HS6ST1: variants seen among roughly 807,000 people sequenced by gnomAD.
HS6ST1 encodes heparan-sulfate 6-O-sulfotransferase 1.
In HS6ST1, 3 loss-of-function variants were observed where a neutral mutation model predicts 25.2. The ratio of observed to expected loss-of-function variants is 0.12; its 90% CI spans 0.05 to 0.31. HS6ST1 has a LOEUF of 0.31. Among genes scored for constraint, HS6ST1 ranks in the 10% least tolerant of loss-of-function variants. The probability of loss-of-function intolerance (pLI) is 1.00; values close to 1 mark genes in which losing one functional copy is unlikely to be tolerated. For synonymous variants in HS6ST1, 204 were observed against 275.1 expected (o/e 0.74, Z 2.56); for missense variants, 310 against 609.6 (o/e 0.51, Z 5.18).
chr2:128,315,661 C>G (rs532243393), intron 1 of HS6ST1, among the ~76,000 whole-genome samples: 7 of 152,280 alleles, frequency 4.6e-5, no homozygotes, highest in African/African-American at 1.7e-4. Context: ...GGTCCCTGGG[C>G]AGATGGGGGA....
chr2:128,266,483 G>C lies in HS6ST1; in HGVS notation c.*1679C>G, dbSNP rs1693516400. The C allele has an allele frequency of 6.6e-6, 1 of 152,242 alleles. No individual in the cohort carries two copies. The highest frequency in any genetic ancestry group is 2.4e-5 in the African/African-American group (1 of 41,458). 9.4% of individuals were successfully genotyped at this position (152,242 alleles called of 1,614,324 possible). On this transcript the variant is annotated 3_prime_UTR_variant, in exon 2 of 2. Transcript: ENST00000259241. Reference sequence around the variant, plus strand: ...AAAGTAAAATGGGGCCAGTGTAGGAGACCTGAGGGTGGGGCCCTTATGCCA... The same window carrying C: ...AAAGTAAAATGGGGCCAGTGTAGGACACCTGAGGGTGGGGCCCTTATGCCA...
At chr2:128,281,856 T>G (rs1693795265) in intron 1 of HS6ST1, among the ~76,000 whole-genome samples, 1 of 152,214 alleles carries the variant, frequency 6.6e-6, no homozygotes, top group Admixed American at 6.5e-5. Context: ...CTTTACCCAG[T>G]CACCCCATAG....
At chr2:128,305,881 C>T (rs548558606) in intron 1 of HS6ST1, among the ~76,000 whole-genome samples, 2 of 152,190 alleles carry the variant, frequency 1.3e-5, no homozygotes, top group African/African-American at 2.4e-5. Flanking sequence ...CCCACCTGCT[C>T]GCAGAGCAGC....
intron 1 of HS6ST1, among the ~76,000 whole-genome samples, chr2:128,288,364 G>A (rs1250292728): frequency 6.6e-6 from 1 of 152,182 alleles, no homozygotes; most frequent in East Asian, 1.9e-4. Context: ...CCTGCCAGGT[G>A]AGAAAGTGCT....
At chr2:128,294,825 T>C (rs1200893419) in intron 1 of HS6ST1, among the ~76,000 whole-genome samples, 2 of 152,058 alleles carry the variant, frequency 1.3e-5, no homozygotes, top group Non-Finnish European at 2.9e-5. Flanking sequence ...GGGCAGGCCC[T>C]GGAGCCTCCT....
At chr2:128,310,326 G>A (rs1279217826) in intron 1 of HS6ST1, among the ~76,000 whole-genome samples, 1 of 152,154 alleles carries the variant, frequency 6.6e-6, no homozygotes, top group Non-Finnish European at 1.5e-5. Context: ...CTGGGCCCCA[G>A]CCCCAGCCCC....
chr2:128,273,910 G>C (rs896449318), intron 1 of HS6ST1, among the ~76,000 whole-genome samples: 1 of 152,184 alleles, frequency 6.6e-6, no homozygotes. Flanking sequence ...GAGGTGCCAA[G>C]GGGGCGGCTC....
At chr2:128,317,727 A>C (rs1389648489) in intron 1 of HS6ST1, among the ~76,000 whole-genome samples, 2 of 152,242 alleles carry the variant, frequency 1.3e-5, no homozygotes, top group Non-Finnish European at 2.9e-5. Context: ...ACAGCAGGTA[A>C]GGTGGCCCGA....
At chr2:128,270,249 G>A (rs1329128749) in intron 1 of HS6ST1, among the ~76,000 whole-genome samples, 1 of 152,234 alleles carries the variant, frequency 6.6e-6, no homozygotes, top group Admixed American at 6.5e-5. Context: ...CTCAGCAGAT[G>A]GGGTGGAGGA....
intron 1 of HS6ST1, among the ~76,000 whole-genome samples, chr2:128,307,275 G>A: frequency 6.6e-6 from 1 of 152,158 alleles, no homozygotes; most frequent in East Asian, 1.9e-4. Flanking sequence ...GCACGCTGCA[G>A]GGAGGATGCT....
intron 1 of HS6ST1, among the ~76,000 whole-genome samples, chr2:128,310,920 C>T (rs1422765336): frequency 6.6e-6 from 1 of 152,212 alleles, no homozygotes; most frequent in Admixed American, 6.5e-5. Flanking sequence ...CCCATCTCCA[C>T]TGCCCCCCCT....
intron 1 of HS6ST1, among the ~76,000 whole-genome samples, chr2:128,279,530 T>A (rs1176416434): frequency 1.3e-5 from 2 of 152,112 alleles, no homozygotes; most frequent in African/African-American, 4.8e-5. Context: ...AGAGGGGCTC[T>A]ATTCCAATGG....
chr2:128,292,397 G>A (rs1419609612), intron 1 of HS6ST1, among the ~76,000 whole-genome samples: 3 of 152,224 alleles, frequency 2.0e-5, no homozygotes, highest in African/African-American at 7.2e-5. Flanking sequence ...ACCTTCTCAG[G>A]GCAGGGACGC....
intron 1 of HS6ST1, among the ~76,000 whole-genome samples, chr2:128,271,851 G>A (rs1208424601): frequency 3.3e-5 from 5 of 152,218 alleles, no homozygotes; most frequent in Admixed American, 1.3e-4. Context: ...TGACCACACC[G>A]TGGGTCTTGG....
At chr2:128,278,288 C>G (rs1026712233) in intron 1 of HS6ST1, among the ~76,000 whole-genome samples, 11 of 152,214 alleles carry the variant, frequency 7.2e-5, no homozygotes, top group Non-Finnish European at 1.6e-4. Context: ...GCTGATCTGA[C>G]CCAAACTCAT....
At chr2:128,310,954 A>G (rs1461666033) in intron 1 of HS6ST1, among the ~76,000 whole-genome samples, 1 of 152,002 alleles carries the variant, frequency 6.6e-6, no homozygotes, top group Non-Finnish European at 1.5e-5. Flanking sequence ...GGGGTCTCGC[A>G]TGATGTGTCT....
chr2:128,291,227 C>T (rs962224354), intron 1 of HS6ST1, among the ~76,000 whole-genome samples: 16 of 152,240 alleles, frequency 1.1e-4, no homozygotes, highest in African/African-American at 3.9e-4. Flanking sequence ...AGTGAGTACC[C>T]CGTGCAGGCA....
In HS6ST1 at chr2:128,285,191, C is replaced by T. The variant is rs79268603; in HGVS notation, c.528-16321G>A. Among the ~76,000 whole-genome samples the T allele has an allele frequency of 8.7e-4, 133 of 152,352 alleles. 3 individuals are homozygous for T. In the East Asian group the frequency reaches 0.023, roughly 26 times the overall value. On this transcript the variant is annotated intron_variant, in intron 1 of 1. Transcript: ENST00000259241. ...TCCAGTAAGGGAAATGAGTGTTCCA[C>T]GCTCTCTGGGTTCTACCCTTCTTCT...
chr2:128,297,722 G>GA (rs111442658), intron 1 of HS6ST1, among the ~76,000 whole-genome samples: 2,903 of 152,180 alleles, frequency 0.019, 95 homozygotes, highest in African/African-American at 0.064. Context: ...TAATCCCAGC[G>GA]ACTCAGGAGG....
Sources: gnomAD v4.1 joint callset for allele counts (sites outside exome capture counted in the v4.1 genomes callset) on GRCh38, gnomAD v4.1.1 for gene constraint, MANE v1.5 for transcripts, NCBI Gene and HGNC (gene_info 2026-07-23, HGNC 2026-07-21) for gene names.